CAPN13: variants seen among roughly 807,000 people sequenced by gnomAD.
CAPN13 encodes the protein calpain 13.
Under a neutral mutation model 98.4 loss-of-function variants are expected in CAPN13, and 90 were observed. The ratio of observed to expected loss-of-function variants is 0.92; its 90% CI spans 0.77 to 1.09. The LOEUF is 1.09. Ranked by LOEUF, CAPN13 falls within the 50% of genes least tolerant of loss-of-function variation. CAPN13 has a pLI of 0.00. For missense variants in CAPN13, 887 were observed against 841.3 expected (o/e 1.05, Z -0.67); for synonymous variants, 330 against 305.5 (o/e 1.08, Z -0.84).
intron 8 of CAPN13, among the ~76,000 whole-genome samples, chr2:30,757,399 T>A (rs187810141): frequency 6.6e-6 from 1 of 152,226 alleles, no homozygotes; most frequent in Non-Finnish European, 1.5e-5. Context: ...TGGGCCCCCA[T>A]GGGACATCTT....
chr2:30,763,310 T>C (rs1285603392), intron 6 of CAPN13, among the ~76,000 whole-genome samples, 154 bp from the exon 7 acceptor site: 3 of 152,064 alleles, frequency 2.0e-5, no homozygotes, highest in African/African-American at 7.2e-5. Context: ...AGCAGCAGAG[T>C]TGGAAGGCCA....
At position 30,764,251 on chromosome 2, in the gene CAPN13, C is replaced by A. The variant is rs372734949; in HGVS notation, c.580G>T (p.Asp194Tyr). 14 of 1,613,576 alleles carry A rather than the reference C, an allele frequency of 8.7e-6. No individual in the cohort carries two copies. In the African/African-American group the frequency reaches 1.9e-4, roughly 22 times the overall value. The part of the protein sequence containing the change: ...HYGFLEDALV[D>Y]LTGGVITNIH... ...TTGGTGATCACGCCTCCTGTGAGGT[C>A]CACCAGGGCATCCTCGAGGAAGCCA... Residue 194 changes from aspartate to tyrosine, a missense_variant, in exon 6 of 23, where the codon GAC becomes TAC. By Grantham distance (160) the Asp-to-Tyr change is radical. Transcript: ENST00000295055.
At chr2:30,769,547 C>G (rs1055889709) in intron 5 of CAPN13, among the ~76,000 whole-genome samples, 3 of 152,214 alleles carry the variant, frequency 2.0e-5, no homozygotes, top group African/African-American at 7.2e-5. Context: ...CACAGTCCTG[C>G]ACACAACCAC....
intron 5 of CAPN13, among the ~76,000 whole-genome samples, chr2:30,768,393 A>T (rs1296036555): frequency 6.6e-6 from 1 of 152,220 alleles, no homozygotes; most frequent in East Asian, 1.9e-4. Flanking sequence ...GAGGCAGCAG[A>T]GGAAGATGCA....
At chr2:30,725,471 C>T (rs570361194) in intron 22 of CAPN13, among the ~76,000 whole-genome samples, 142 of 152,308 alleles carry the variant, frequency 9.3e-4, no homozygotes, top group Non-Finnish European at 1.7e-3. Flanking sequence ...TATACCTCAA[C>T]TTGCCCGGTG....
At chr2:30,789,431 TG>T (rs2148078941) in intron 1 of CAPN13, among the ~76,000 whole-genome samples, 1 of 152,378 alleles carries the variant, frequency 6.6e-6, no homozygotes, top group African/African-American at 2.4e-5. Flanking sequence ...AATACAATTA[TG>T]GGATTGCCTG....
intron 22 of CAPN13, among the ~76,000 whole-genome samples, chr2:30,730,209 A>G (rs1235068745): frequency 6.7e-6 from 1 of 149,912 alleles, no homozygotes; most frequent in East Asian, 1.9e-4. Context: ...CTGTTTCATG[A>G]AAAAAAATGT....
chr2:30,751,083 C>T lies in CAPN13; in HGVS notation c.1236+20G>A, dbSNP rs1192715722. 6.2e-6 allele frequency: 10 copies of T among 1,611,920 alleles called. No individual in the cohort carries two copies. The African/African-American group carries it at 1.2e-4, about 19-fold the overall frequency. On this transcript the variant is annotated intron_variant, in intron 11 of 22. Transcript: ENST00000295055. ...ACACTAAATTTCTACAAGGGAAAGC[C>T]CTGAAGCAGGCTGCCTTACCAGAAT...
rs1403472230 is a variant in CAPN13, at chr2:30,787,171, A to G, written c.155T>C (p.Leu52Pro). The G allele has an allele frequency of 6.3e-7, 1 of 1,586,834 alleles. No individual in the cohort carries two copies. Residue 52 changes from leucine (L) to proline (P), a missense_variant, in exon 2 of 23, where the codon CTC becomes CCC. By Grantham distance (98) the Leu-to-Pro change is moderately conservative. Transcript: ENST00000295055. The stretch of plus-strand genomic sequence containing the variant: ...CACATTGGAGAGGCGTTTTTCCTGG[A>G]GCAGCTTCTGGCCTATGGAAGAATC... ...AADSSIGQKLLQEKRLSNVIW... is the reference protein window; with the variant it reads ...AADSSIGQKLPQEKRLSNVIW...
At position 30,753,212 on chromosome 2, in the gene CAPN13, A is replaced by AT; in HGVS notation, c.942-15dup. The AT allele has an allele frequency of 1.2e-6, 2 of 1,613,714 alleles. No homozygotes were observed. The highest frequency in any genetic ancestry group is 2.7e-5 in the African/African-American group (2 of 75,056). ...TGACACGACATCCTGTTAAAAACAG[A>AT]TATACATCACTCAGTGACCAGGGGT... On this transcript the variant is annotated splice_polypyrimidine_tract_variant and intron_variant, in intron 9 of 22. Transcript: ENST00000295055.
At chr2:30,740,845 G>C (rs1272955788) in intron 15 of CAPN13, among the ~76,000 whole-genome samples, 4 of 152,202 alleles carry the variant, frequency 2.6e-5, no homozygotes, top group African/African-American at 9.6e-5. Context: ...TTGGTCTCAG[G>C]CATCCTAATC....
At chr2:30,771,859 G>C (rs888920902) in intron 4 of CAPN13, among the ~76,000 whole-genome samples, 2 of 152,212 alleles carry the variant, frequency 1.3e-5, no homozygotes, top group African/African-American at 4.8e-5. Flanking sequence ...TGCCTCATAG[G>C]TTGTGATTAG....
At chr2:30,770,934 A>G (rs1478289325) in intron 4 of CAPN13, among the ~76,000 whole-genome samples, 2 of 152,166 alleles carry the variant, frequency 1.3e-5, no homozygotes, top group Non-Finnish European at 2.9e-5. Flanking sequence ...CAGGGAAGGT[A>G]TCCCAGACAG....
At chr2:30,791,221 G>A (rs1367469227) in intron 1 of CAPN13, among the ~76,000 whole-genome samples, 1 of 152,332 alleles carries the variant, frequency 6.6e-6, no homozygotes, top group Admixed American at 6.5e-5. Flanking sequence ...TGACAGAGCA[G>A]CAACAGTGAT....
At chr2:30,734,384 A>C (rs1483359382) in intron 19 of CAPN13, 65 bp downstream of exon 19, 14 of 1,236,430 alleles carry the variant, frequency 1.1e-5, no homozygotes, top group Non-Finnish European at 1.7e-5. Context: ...CCTTGCTACT[A>C]GGGGTGTGGG....
rs1672261769 is a variant in CAPN13, at chr2:30,753,105, T to A, written c.1035A>T (p.Glu345Asp). Residue 345 changes from glutamate (E) to aspartate (D), a missense_variant, in exon 10 of 23, where the codon GAA (glutamate) becomes GAT (aspartate). By Grantham distance (45) the Glu-to-Asp change is conservative. Transcript: ENST00000295055. Reference protein sequence around the residue: ...ITLDHGNTLHEGWSQIMFRKQ... With the variant: ...ITLDHGNTLHDGWSQIMFRKQ... Reference sequence around the variant, plus strand: ...TCCTAAACATTATTTGGGACCATCCTTCGTGGAGTGTGTTTCCATGGTCCA... The same window carrying A: ...TCCTAAACATTATTTGGGACCATCCATCGTGGAGTGTGTTTCCATGGTCCA... The A allele has an allele frequency of 6.2e-7, 1 of 1,613,908 alleles. No individual in the cohort carries two copies. Among genetic ancestry groups the A allele is most frequent in the Admixed American group, 1.7e-5 (1 of 60,014 alleles).
intron 1 of CAPN13, among the ~76,000 whole-genome samples, chr2:30,805,747 C>CTTTATTTTTTTTTTT (rs60473516): frequency 5.8e-5 from 7 of 121,536 alleles, no homozygotes; most frequent in African/African-American, 2.3e-4. Context: ...GTAGGTTGGT[C>CTTTATTTTTTTTTTT]TTTTTTTTTT....
At chr2:30,758,330 A>G (rs1340031741) in intron 7 of CAPN13, among the ~76,000 whole-genome samples, 193 bp from the exon 8 acceptor site, 3 of 152,250 alleles carry the variant, frequency 2.0e-5, no homozygotes, top group African/African-American at 7.2e-5. Flanking sequence ...GGAATGAGAT[A>G]GACAAGGAAA....
At chr2:30,747,487 G>A (rs1449589391) in intron 11 of CAPN13, among the ~76,000 whole-genome samples, 2 of 152,250 alleles carry the variant, frequency 1.3e-5, no homozygotes, top group African/African-American at 4.8e-5. Flanking sequence ...GAAAGTCCAG[G>A]CCTTGGGGAG....
Sources: allele counts gnomAD v4.1 joint callset (sites outside exome capture counted in the v4.1 genomes callset), GRCh38; gene constraint gnomAD v4.1.1; transcripts MANE v1.5; gene names NCBI Gene and HGNC (gene_info 2026-07-23, HGNC 2026-07-21).